KIRREL3: variants seen among roughly 807,000 people sequenced by gnomAD.
The protein encoded by KIRREL3 is kirre like nephrin family adhesion molecule 3, also known as kin of IRRE-like protein 3.
Under a neutral mutation model 89.7 loss-of-function variants are expected in KIRREL3, and 36 were observed. That is an observed-to-expected ratio of 0.40 (90% CI 0.31 to 0.53). KIRREL3 has a LOEUF of 0.53. Ranked by LOEUF, KIRREL3 falls within the 20% of genes least tolerant of loss-of-function variation. The pLI is 0.49. For synonymous variants in KIRREL3, 445 were observed against 441.4 expected (o/e 1.01, Z -0.10); for missense variants, 864 against 1,056.6 (o/e 0.82, Z 2.53).
At chr11:126,529,335 A>G (rs891061681) in intron 2 of KIRREL3, among the ~76,000 whole-genome samples, 7 of 152,148 alleles carry the variant, frequency 4.6e-5, no homozygotes, top group African/African-American at 1.4e-4. Flanking sequence ...GAAGCAGGCC[A>G]TGGAGGTGGA....
Position 126,528,380 on chromosome 11 carries a change from C to T in KIRREL3, c.134-1693G>A, listed in dbSNP as rs1033076544. On this transcript the variant is annotated intron_variant, in intron 2 of 16. Coordinates refer to ENST00000525144, the MANE Select transcript of KIRREL3 (RefSeq NM_032531.4). The surrounding 1 kb of genome is among the most constrained non-coding windows in gnomAD (Gnocchi z 4.6). ...CAAGAGGGAGACACTTGGTGTGTAT[C>T]AACCCAGGGGAGCTTGGATGGCAGC... 3.9e-5 allele frequency among the ~76,000 whole-genome samples: 6 copies of T among 152,182 alleles called. No homozygotes were observed. The highest frequency in any genetic ancestry group is 2.1e-4 in the South Asian group (1 of 4,832).
rs79418910 is a variant in KIRREL3 at position 126,497,510 on chromosome 11, G to A, written c.433+23805C>T. On this transcript the variant is annotated intron_variant, in intron 4 of 16. Transcript: ENST00000525144. ...CCTACAGTGGCCGCAGGGCCACAACGCACTCTTCCCAGAGCTGCTAGAGCT... is the reference window on the plus strand; with the variant it reads ...CCTACAGTGGCCGCAGGGCCACAACACACTCTTCCCAGAGCTGCTAGAGCT... Among the ~76,000 whole-genome samples the A allele has an allele frequency of 8.8e-3, 1,338 of 152,296 alleles. 23 individuals carry two copies. The highest frequency in any genetic ancestry group is 0.028 in the African/African-American group (1,166 of 41,546).
chr11:126,872,677 C>T lies in KIRREL3; in HGVS notation c.55+127778G>A, dbSNP rs1273983629. 6.6e-6 allele frequency among the ~76,000 whole-genome samples: 1 copy of T among 152,208 alleles called. No individual in the cohort carries two copies. Among genetic ancestry groups the T allele is most frequent in the Non-Finnish European group, 1.5e-5 (1 of 68,038 alleles). On this transcript the variant is annotated intron_variant, in intron 1 of 16. Transcript: ENST00000525144. This position sits in a 1 kb window ranked among gnomAD's most constrained non-coding sequence, Gnocchi z 4.2. ...TTCTTTCTCTGTCTCCCTCCTATCCCACCCCATCCTGGGCTTGTTTTCATC... is the reference window on the plus strand; with the variant it reads ...TTCTTTCTCTGTCTCCCTCCTATCCTACCCCATCCTGGGCTTGTTTTCATC...
intron 1 of KIRREL3, among the ~76,000 whole-genome samples, chr11:126,749,255 C>T (rs1024500430): frequency 1.3e-5 from 2 of 152,182 alleles, no homozygotes; most frequent in Admixed American, 1.3e-4. Flanking sequence ...TCCCGCTGAG[C>T]CGGATCCTTT....
chr11:126,703,261 C>T lies in KIRREL3; in HGVS notation c.56-140349G>A, dbSNP rs553175034. Among the ~76,000 whole-genome samples the T allele has an allele frequency of 2.0e-5, 3 of 152,330 alleles. No homozygotes were observed. In the East Asian group the frequency reaches 5.8e-4, roughly 29 times the overall value. ...AGCGGCTGCTGCAGGCTGTGCACTGCACAAGGCCAAGGCTTACCATTTGCA... is the reference window on the plus strand; with the variant it reads ...AGCGGCTGCTGCAGGCTGTGCACTGTACAAGGCCAAGGCTTACCATTTGCA... On this transcript the variant is annotated intron_variant, in intron 1 of 16. Coordinates refer to ENST00000525144, the MANE Select transcript of KIRREL3 (RefSeq NM_032531.4). This position sits in a 1 kb window ranked among gnomAD's most constrained non-coding sequence, Gnocchi z 4.6.
At chr11:126,988,015 T>G (rs2135267652) in intron 1 of KIRREL3, among the ~76,000 whole-genome samples, 1 of 152,296 alleles carries the variant, frequency 6.6e-6, no homozygotes, top group South Asian at 2.1e-4. Context: ...TATTAATCAT[T>G]TCAGAAACAC....
intron 1 of KIRREL3, among the ~76,000 whole-genome samples, chr11:126,827,612 C>T (rs1421087467): frequency 6.6e-6 from 1 of 152,154 alleles, no homozygotes; most frequent in African/African-American, 2.4e-5. Flanking sequence ...GAAAATAAGT[C>T]TAAAGGATTT....
At position 126,985,658 on chromosome 11, in the gene KIRREL3, G is replaced by T. The variant is rs953504998; in HGVS notation, c.55+14797C>A. ...TCGGACAATGTCAGCGGCTCCGTGT[G>T]TTGGAGTAAAGGGGCATATGAGAGG... On this transcript the variant is annotated intron_variant, in intron 1 of 16. Coordinates refer to ENST00000525144, the MANE Select transcript of KIRREL3 (RefSeq NM_032531.4). The surrounding 1 kb of genome is among the most constrained non-coding windows in gnomAD (Gnocchi z 5.3). 9.9e-5 allele frequency among the ~76,000 whole-genome samples: 15 copies of T among 152,238 alleles called. No homozygotes were observed. Among genetic ancestry groups the T allele is most frequent in the African/African-American group, 2.9e-4 (12 of 41,544 alleles).
chr11:126,863,302 A>C (rs1178999843), intron 1 of KIRREL3, among the ~76,000 whole-genome samples: 1 of 150,956 alleles, frequency 6.6e-6, no homozygotes, highest in African/African-American at 2.4e-5. Context: ...AGCACAGGCC[A>C]AGCTGGGGTT....
At chr11:126,741,933 A>C (rs992194360) in intron 1 of KIRREL3, among the ~76,000 whole-genome samples, 2 of 152,184 alleles carry the variant, frequency 1.3e-5, no homozygotes, top group African/African-American at 4.8e-5. Flanking sequence ...CTACCATTCC[A>C]TTGCTCTTTT....
In KIRREL3 at chr11:126,669,966, C is replaced by A. The variant is rs917701810; in HGVS notation, c.56-107054G>T. ...CAGTGCATTGCAGCACCATCCACCC[C>A]GTTGCTCAAGCTCATGCCTCAGTCT... is the stretch of plus-strand genomic sequence containing the variant. On this transcript the variant is annotated intron_variant, in intron 1 of 16. Transcript: ENST00000525144. The surrounding 1 kb of genome is among the most constrained non-coding windows in gnomAD (Gnocchi z 5.0). Among the ~76,000 whole-genome samples, 2 of 152,176 alleles carry A rather than the reference C, an allele frequency of 1.3e-5. No individual in the cohort carries two copies. Among genetic ancestry groups the A allele is most frequent in the African/African-American group, 4.8e-5 (2 of 41,442 alleles).
chr11:126,446,665 C>G (rs902313514), intron 9 of KIRREL3, 94 bp downstream of exon 9: 1 of 1,366,932 alleles, frequency 7.3e-7, no homozygotes, highest in Admixed American at 2.2e-5. Context: ...CTCCCCCAGT[C>G]TAATAGTGAG....
intron 1 of KIRREL3, among the ~76,000 whole-genome samples, chr11:126,834,781 G>A (rs1207126872): frequency 3.3e-5 from 5 of 152,326 alleles, no homozygotes; most frequent in Non-Finnish European, 7.3e-5. Context: ...CTGGCCCTGC[G>A]GCCCTGGCCT....
At chr11:126,743,008 A>G (rs1946091) in intron 1 of KIRREL3, among the ~76,000 whole-genome samples, 58,734 of 152,150 alleles carry the variant, frequency 0.39, 12,430 homozygotes, top group East Asian at 0.82. Flanking sequence ...AGATGAGGCC[A>G]TCAGTGAGGA....
rs1490871478 is a variant in KIRREL3, at chr11:126,987,542, T to C, written c.55+12913A>G. ...TTTTCACCTGTAAAGTATGGATTTC[T>C]CTCTGCAAAAACCTCTGTCCCAATC... On this transcript the variant is annotated intron_variant, in intron 1 of 16. Transcript: ENST00000525144. The surrounding 1 kb of genome is among the most constrained non-coding windows in gnomAD (Gnocchi z 4.6). Among the ~76,000 whole-genome samples, 2 of 152,192 alleles carry C rather than the reference T, an allele frequency of 1.3e-5. No individual in the cohort carries two copies. Among genetic ancestry groups the C allele is most frequent in the African/African-American group, 2.4e-5 (1 of 41,454 alleles).
intron 1 of KIRREL3, among the ~76,000 whole-genome samples, chr11:126,810,172 A>C (rs774634483): frequency 2.0e-5 from 3 of 152,166 alleles, no homozygotes; most frequent in Non-Finnish European, 4.4e-5. Context: ...CATATAGTTC[A>C]CATCTTCTGT....
At chr11:126,770,180 C>A (rs1443840122) in intron 1 of KIRREL3, among the ~76,000 whole-genome samples, 2 of 152,138 alleles carry the variant, frequency 1.3e-5, no homozygotes, top group Admixed American at 6.5e-5. Flanking sequence ...CTGCTTCCTG[C>A]TTGTCAAGGG....
At chr11:126,658,913 G>A (rs1172967123) in intron 1 of KIRREL3, among the ~76,000 whole-genome samples, 3 of 152,168 alleles carry the variant, frequency 2.0e-5, no homozygotes, top group Admixed American at 2.0e-4. Context: ...TTGGAGCATG[G>A]GAAGTTGTCC....
At chr11:126,596,174 A>G (rs1055472515) in intron 1 of KIRREL3, among the ~76,000 whole-genome samples, 9 of 152,222 alleles carry the variant, frequency 5.9e-5, no homozygotes, top group African/African-American at 1.2e-4. Flanking sequence ...GTCACCTGCC[A>G]TGAAGTCCCA....
Sources: gnomAD v4.1 joint callset for allele counts (sites outside exome capture counted in the v4.1 genomes callset) on GRCh38, gnomAD v4.1.1 for gene constraint, Gnocchi (gnomAD v3.1) non-coding constraint, MANE v1.5 for transcripts, NCBI Gene and HGNC (gene_info 2026-07-23, HGNC 2026-07-21) for gene names.